KCNH1: variants seen among roughly 807,000 people sequenced by gnomAD.
KCNH1 encodes the protein voltage-gated delayed rectifier potassium channel KCNH1.
A neutral mutation model predicts 69.2 loss-of-function variants in KCNH1; 27 were observed. The ratio of observed to expected loss-of-function variants is 0.39; its 90% CI spans 0.29 to 0.54. KCNH1 has a LOEUF of 0.54. KCNH1 is among the 20% of genes least tolerant of loss of function. The pLI, the probability that KCNH1 is intolerant of heterozygous loss-of-function variation, is 0.68. For missense variants in KCNH1, 798 were observed against 1,261.6 expected (o/e 0.63, Z 5.57); for synonymous variants, 456 against 487.7 (o/e 0.93, Z 0.86).
chr1:210,918,213 T>A (rs1687387146), intron 7 of KCNH1, among the ~76,000 whole-genome samples: 1 of 152,196 alleles, frequency 6.6e-6, no homozygotes, highest in South Asian at 2.1e-4. Context: ...GAATCTCTGG[T>A]CAGTTGGACA....
At chr1:211,040,328 T>G (rs775952464) in intron 5 of KCNH1, among the ~76,000 whole-genome samples, 1 of 152,174 alleles carries the variant, frequency 6.6e-6, no homozygotes, top group South Asian at 2.1e-4. Context: ...CAACTTGAAT[T>G]GTATCTCCCA....
chr1:211,022,153 G>A (rs1439671541), intron 5 of KCNH1, among the ~76,000 whole-genome samples: 1 of 152,038 alleles, frequency 6.6e-6, no homozygotes, highest in Non-Finnish European at 1.5e-5. Context: ...ACAGAACAGA[G>A]AACCCAGAAA....
chr1:211,073,540 A>G (rs549058800), intron 5 of KCNH1, among the ~76,000 whole-genome samples: 1 of 152,356 alleles, frequency 6.6e-6, no homozygotes, highest in African/African-American at 2.4e-5. Flanking sequence ...CAGTGGAATT[A>G]AACTAGAAAT....
chr1:211,048,173 T>G (rs575251169), intron 5 of KCNH1, among the ~76,000 whole-genome samples: 1 of 152,160 alleles, frequency 6.6e-6, no homozygotes, highest in African/African-American at 2.4e-5. Context: ...ATTTAAAAAT[T>G]AAAAAATAAT....
intron 5 of KCNH1, among the ~76,000 whole-genome samples, chr1:211,023,164 T>TAAATA (rs1689621611): frequency 0.014 from 1,604 of 117,868 alleles, 14 homozygotes; most frequent in Non-Finnish European, 0.015. Flanking sequence ...ATAAATAAAT[T>TAAATA]AAAAATGCTG....
intron 10 of KCNH1, among the ~76,000 whole-genome samples, chr1:210,707,373 G>A (rs900337096): frequency 6.6e-6 from 1 of 152,134 alleles, no homozygotes; most frequent in African/African-American, 2.4e-5. Context: ...TAAGGCAGGC[G>A]GGCATTTACC....
intron 7 of KCNH1, among the ~76,000 whole-genome samples, chr1:210,829,111 A>G (rs565782615): frequency 2.0e-5 from 3 of 152,286 alleles, no homozygotes; most frequent in East Asian, 1.9e-4. Context: ...GGACTGACAC[A>G]CGGGGCACTC....
chr1:211,126,951 C>CA (rs34616552), intron 1 of KCNH1, among the ~76,000 whole-genome samples: 14,787 of 150,220 alleles, frequency 0.098, 977 homozygotes, highest in South Asian at 0.21. Context: ...CCCAACCTCA[C>CA]AAAAAAAAAT....
At chr1:210,949,951 T>A (rs1052537282) in intron 6 of KCNH1, among the ~76,000 whole-genome samples, 1 of 152,220 alleles carries the variant, frequency 6.6e-6, no homozygotes, top group Non-Finnish European at 1.5e-5. Flanking sequence ...AAATCAACCA[T>A]GTGAAACCTG....
chr1:210,779,371 G>A (rs914091398), intron 9 of KCNH1, among the ~76,000 whole-genome samples: 18 of 152,230 alleles, frequency 1.2e-4, no homozygotes, highest in Non-Finnish European at 1.8e-4. Context: ...TCTGGCAAAT[G>A]CGAAATGTTT....
intron 7 of KCNH1, chr1:210,861,846 T>A (rs1685984919): frequency 3.9e-6 from 3 of 759,884 alleles, no homozygotes; most frequent in Non-Finnish European, 7.4e-6. Flanking sequence ...GGCAAATAAT[T>A]CCTATCCAAC....
At chr1:211,111,641 G>A (rs1691468050) in intron 1 of KCNH1, among the ~76,000 whole-genome samples, 1 of 146,930 alleles carries the variant, frequency 6.8e-6, no homozygotes, top group African/African-American at 2.5e-5. Flanking sequence ...CGCCCCGTCT[G>A]GGAAGTGAGG....
rs756896466 is a variant in KCNH1, at chr1:210,684,149, A to G, written c.2113-11T>C. The G allele has an allele frequency of 2.7e-6, 4 of 1,501,204 alleles. No individual in the cohort carries two copies. Among genetic ancestry groups the G allele is most frequent in the Admixed American group, 2.3e-5 (1 of 43,502 alleles). The allele number at this position is 1,501,204 out of a possible 1,614,324, so 93.0% of individuals were successfully genotyped here. ...CTTCCGGAACACAATCTGGAGAGAG[A>G]GAGAGAGAGAATGACATGGCGTGTT... On this transcript the variant is annotated splice_polypyrimidine_tract_variant and intron_variant, in intron 10 of 10. Transcript: ENST00000271751.
At chr1:210,996,936 A>T (rs1689055539) in intron 6 of KCNH1, among the ~76,000 whole-genome samples, 1 of 152,230 alleles carries the variant, frequency 6.6e-6, no homozygotes, top group Admixed American at 6.5e-5. Context: ...AGCAAACTCC[A>T]ACAGACCTGA....
chr1:211,103,981 G>T (rs917573010), intron 2 of KCNH1, among the ~76,000 whole-genome samples: 2 of 152,196 alleles, frequency 1.3e-5, no homozygotes, highest in South Asian at 2.1e-4. Context: ...AGGTCTAAGG[G>T]GCAGGAAGGA....
At chr1:210,974,820 C>G (rs973168326) in intron 6 of KCNH1, among the ~76,000 whole-genome samples, 1 of 151,980 alleles carries the variant, frequency 6.6e-6, no homozygotes, top group Non-Finnish European at 1.5e-5. Flanking sequence ...CCTTGGCCTC[C>G]CAAAGTGCTA....
intron 6 of KCNH1, among the ~76,000 whole-genome samples, chr1:210,981,027 C>T (rs1688700426): frequency 6.6e-6 from 1 of 152,088 alleles, no homozygotes; most frequent in Non-Finnish European, 1.5e-5. Flanking sequence ...TCATAAACAT[C>T]CCATAATAGG....
At chr1:210,702,611 T>TTATC (rs1681808966) in intron 10 of KCNH1, among the ~76,000 whole-genome samples, 1 of 152,220 alleles carries the variant, frequency 6.6e-6, no homozygotes, top group South Asian at 2.1e-4. Flanking sequence ...GATCCTTGCA[T>TTATC]TATCTCTACA....
intron 10 of KCNH1, among the ~76,000 whole-genome samples, chr1:210,754,033 G>C (rs1204228259): frequency 6.6e-6 from 1 of 151,612 alleles, no homozygotes. Flanking sequence ...TCCTGCCTCA[G>C]CCTCCCAAGT....
Sources: allele counts gnomAD v4.1 joint callset (sites outside exome capture counted in the v4.1 genomes callset), GRCh38; gene constraint gnomAD v4.1.1; transcripts MANE v1.5; gene names NCBI Gene and HGNC (gene_info 2026-07-23, HGNC 2026-07-21).